The following PAM variants were observed in gnomAD, a reference collection of about 807,000 sequenced individuals.
The protein encoded by PAM is peptidyl-glycine alpha-amidating monooxygenase.
Under a neutral mutation model 122.1 loss-of-function variants are expected in PAM, and 72 were observed. The observed-to-expected ratio is 0.59, with a 90% CI of 0.49 to 0.72. The LOEUF is 0.72. Ranked by LOEUF, PAM falls within the 30% of genes least tolerant of loss-of-function variation. PAM has a pLI of 0.00. For missense variants in PAM, 1,106 were observed against 1,183.7 expected (o/e 0.93, Z 0.96); for synonymous variants, 389 against 404.4 (o/e 0.96, Z 0.46).
At chr5:102,806,796 T>G (rs1202898162) in intron 1 of PAM, among the ~76,000 whole-genome samples, 1 of 152,234 alleles carries the variant, frequency 6.6e-6, no homozygotes, top group Non-Finnish European at 1.5e-5. Context: ...CTTTCAGAAT[T>G]TTTTCTAATC....
intron 3 of PAM, among the ~76,000 whole-genome samples, chr5:102,897,399 A>G (rs1386950111): frequency 6.6e-6 from 1 of 151,662 alleles, no homozygotes; most frequent in Non-Finnish European, 1.5e-5. Context: ...CTCCTATTGC[A>G]TATATTTATG....
At chr5:102,772,285 A>G (rs774866249) in intron 1 of PAM, among the ~76,000 whole-genome samples, 3 of 152,154 alleles carry the variant, frequency 2.0e-5, no homozygotes, top group Non-Finnish European at 2.9e-5. Context: ...AATGTTTTCT[A>G]TAACCCTGCA....
intron 15 of PAM, among the ~76,000 whole-genome samples, chr5:102,979,927 A>G (rs1769185724): frequency 6.6e-6 from 1 of 152,068 alleles, no homozygotes. Flanking sequence ...TATTTATCAT[A>G]AAAAGTGTTA....
At chr5:103,022,367 G>T (rs1191207865) in intron 23 of PAM, among the ~76,000 whole-genome samples, 1 of 152,058 alleles carries the variant, frequency 6.6e-6, no homozygotes, top group Non-Finnish European at 1.5e-5. Context: ...GCTGTATTAA[G>T]AATGTCCTTC....
intron 1 of PAM, among the ~76,000 whole-genome samples, chr5:102,778,279 C>T (rs1016184030): frequency 6.6e-6 from 1 of 152,064 alleles, no homozygotes. Context: ...TGTTTATATT[C>T]GTTCTATCTT....
chr5:102,830,991 G>C (rs2150428546), intron 1 of PAM, among the ~76,000 whole-genome samples: 1 of 152,270 alleles, frequency 6.6e-6, no homozygotes, highest in South Asian at 2.1e-4. Flanking sequence ...TATGAAGTTT[G>C]TAGTAGTTAC....
intron 1 of PAM, among the ~76,000 whole-genome samples, chr5:102,798,903 T>TAGAA (rs1307821450): frequency 1.6e-4 from 24 of 152,330 alleles, no homozygotes; most frequent in African/African-American, 5.8e-4. Context: ...TACTTCTCAC[T>TAGAA]GTCCTAGAAT....
intron 1 of PAM, among the ~76,000 whole-genome samples, chr5:102,839,697 A>G (rs192866381): frequency 3.4e-4 from 52 of 152,332 alleles, no homozygotes; most frequent in Admixed American, 3.0e-3. Context: ...ATCATAGCCA[A>G]AGAAATTTTA....
intron 14 of PAM, among the ~76,000 whole-genome samples, chr5:102,963,990 C>T (rs1763292278): frequency 6.7e-6 from 1 of 150,292 alleles, no homozygotes; most frequent in South Asian, 2.1e-4. Context: ...ATGACCTTTA[C>T]TAAGATAGAA....
chr5:102,977,715 CA>C, intron 15 of PAM, among the ~76,000 whole-genome samples: 1 of 150,772 alleles, frequency 6.6e-6, no homozygotes, highest in Middle Eastern at 3.4e-3. Context: ...ACAGCTTCCC[CA>C]AAAGCAGTTC....
intron 1 of PAM, among the ~76,000 whole-genome samples, chr5:102,853,445 C>T (rs565121019): frequency 9.2e-5 from 14 of 151,982 alleles, no homozygotes; most frequent in Non-Finnish European, 1.8e-4. Flanking sequence ...TTCTAGTACT[C>T]TGAAATAATA....
chr5:102,985,796 A>G (rs1771623374), intron 15 of PAM, among the ~76,000 whole-genome samples: 1 of 152,234 alleles, frequency 6.6e-6, no homozygotes, highest in African/African-American at 2.4e-5. Context: ...GTGAAAAAAG[A>G]AAAGAGCAAG....
At chr5:102,978,944 G>A (rs1238137261) in intron 15 of PAM, among the ~76,000 whole-genome samples, 7 of 151,702 alleles carry the variant, frequency 4.6e-5, no homozygotes, top group East Asian at 1.9e-4. Context: ...TCACGTATCC[G>A]AAATTCCACA....
intron 1 of PAM, among the ~76,000 whole-genome samples, chr5:102,801,353 G>A (rs1354068421): frequency 6.6e-6 from 1 of 152,092 alleles, no homozygotes; most frequent in Non-Finnish European, 1.5e-5. Flanking sequence ...CAGATTATAG[G>A]GGAGTAATTA....
At chr5:102,761,869 GT>G (rs1752453917) in intron 1 of PAM, among the ~76,000 whole-genome samples, 1 of 152,154 alleles carries the variant, frequency 6.6e-6, no homozygotes, top group African/African-American at 2.4e-5. Context: ...TAGGTTATAT[GT>G]ATACCTGTTA....
chr5:102,926,560 T>C (rs761230632), intron 6 of PAM, 25 bp from the exon 7 acceptor site: 2 of 1,335,600 alleles, frequency 1.5e-6, no homozygotes, highest in East Asian at 2.3e-5. Flanking sequence ...ATTTCTAATA[T>C]ATTAACTTTT....
chr5:103,023,755 A>G (rs1339099563), intron 23 of PAM, among the ~76,000 whole-genome samples: 1 of 152,088 alleles, frequency 6.6e-6, no homozygotes, highest in Non-Finnish European at 1.5e-5. Context: ...TGGTGATGAT[A>G]ATAATAGTGC....
intron 15 of PAM, among the ~76,000 whole-genome samples, chr5:102,984,029 AT>A (rs1554155853): frequency 6.6e-6 from 1 of 152,230 alleles, no homozygotes; most frequent in Non-Finnish European, 1.5e-5. Flanking sequence ...TTTTACCTCT[AT>A]AAGCAAAACA....
chr5:103,017,053 A>G (rs966080357), intron 21 of PAM, among the ~76,000 whole-genome samples: 1 of 152,338 alleles, frequency 6.6e-6, no homozygotes, highest in Admixed American at 6.5e-5. Context: ...AAAAAATAAT[A>G]TACCTGTAAA....
Sources: allele counts gnomAD v4.1 joint callset (sites outside exome capture counted in the v4.1 genomes callset), GRCh38; gene constraint gnomAD v4.1.1; transcripts MANE v1.5; gene names NCBI Gene and HGNC (gene_info 2026-07-23, HGNC 2026-07-21).